The following ITGB4 variants were observed in gnomAD, a reference collection of about 807,000 sequenced individuals.
ITGB4 encodes the protein integrin beta-4.
ITGB4 carries 159 observed loss-of-function variants against 207.6 expected under a neutral mutation model. The ratio of observed to expected loss-of-function variants is 0.77; its 90% confidence interval spans 0.67 to 0.87. ITGB4 has a LOEUF of 0.87. Among genes scored for constraint, ITGB4 ranks in the 40% least tolerant of loss-of-function variants. The pLI is 0.00. For missense variants in ITGB4, 2,278 were observed against 2,546.8 expected, an observed-to-expected ratio of 0.89 and a Z score of 2.27; for synonymous variants, 1,020 against 1,062.7, an observed-to-expected ratio of 0.96 and a Z score of 0.78.
chr17:75,742,306 C>G lies in ITGB4; in HGVS notation c.2634-35C>G, dbSNP rs376305144. 1.9e-6 allele frequency: 3 copies of G among 1,612,854 alleles called. No individual in the cohort carries two copies. The highest frequency in any genetic ancestry group is 2.5e-6 in the Non-Finnish European group (3 of 1,179,880). ...ACAGGGCAGCAGGTGCCAGCCTGAC[C>G]CCTCCGCTGCCTGAACCTTCCACCC... On this transcript the variant is annotated intron_variant, in intron 23 of 39. Transcript: ENST00000200181. This position sits in a 1 kb window ranked among gnomAD's most constrained non-coding sequence, Gnocchi z 5.9.
chr17:75,753,371 G>T (rs2061412202), intron 32 of ITGB4, among the ~76,000 whole-genome samples: 2 of 152,118 alleles, frequency 1.3e-5, no homozygotes. Context: ...CTTGCGGAAC[G>T]GTCCCTGGGA....
Position 75,732,375 on chromosome 17 carries a change from A to T in ITGB4, c.1454+136A>T. On this transcript the variant is annotated intron_variant, in intron 12 of 39. Transcript: ENST00000200181. The surrounding 1 kb of genome is among the most constrained non-coding windows in gnomAD (Gnocchi z 5.3). Reference sequence around the variant, plus strand: ...GGGGCGGCAATCAAAGAAACGGCTAAGGGCGGGGCACACCCAGTTGTTGGT... The same window carrying T: ...GGGGCGGCAATCAAAGAAACGGCTATGGGCGGGGCACACCCAGTTGTTGGT... 1 of 804,338 alleles carries T rather than the reference A, an allele frequency of 1.2e-6. No homozygotes were observed. Among genetic ancestry groups the T allele is most frequent in the Non-Finnish European group, 2.1e-6 (1 of 475,068 alleles). 49.8% of individuals were successfully genotyped at this position (804,338 alleles called of 1,614,324 possible).
At position 75,740,277 on chromosome 17, in the gene ITGB4, T is replaced by C; in HGVS notation, c.2447-81T>C. The C allele has an allele frequency of 7.4e-7, 1 of 1,359,328 alleles. No homozygotes were observed. Among genetic ancestry groups the C allele is most frequent in the Non-Finnish European group, 1.0e-6 (1 of 967,846 alleles). 84.2% of individuals were successfully genotyped at this position (1,359,328 alleles called of 1,614,324 possible). On this transcript the variant is annotated intron_variant, in intron 20 of 39. Transcript: ENST00000200181. This position sits in a 1 kb window ranked among gnomAD's most constrained non-coding sequence, Gnocchi z 5.9. ...AGGCATCCCCTGATCCTAGCATGGT[T>C]GCTGGAGGGATGCTCTGTGGTGCCT... is the stretch of plus-strand genomic sequence containing the variant.
rs139933962 is a variant in ITGB4 at position 75,742,381 on chromosome 17, C to G, written c.2674C>G (p.Arg892Gly). The part of the protein sequence containing the change: ...TIVDTVLMAP[R>G]SAKPALLKLT... ...TGTGGACACAGTGCTGATGGCGCCCCGCTCGGCCAAGCCGGCCCTGCTGAA... is the reference window on the plus strand; with the variant it reads ...TGTGGACACAGTGCTGATGGCGCCCGGCTCGGCCAAGCCGGCCCTGCTGAA... Residue 892 changes from arginine to glycine, a missense_variant, in exon 24 of 40, where the codon CGC (arginine) becomes GGC (glycine). Physicochemically the swap from Arg to Gly is moderately radical, Grantham distance 125. Coordinates refer to ENST00000200181, the MANE Select transcript of ITGB4 (RefSeq NM_000213.5). The surrounding 1 kb of genome is among the most constrained non-coding windows in gnomAD (Gnocchi z 5.9). The G allele has an allele frequency of 6.2e-6, 10 of 1,613,402 alleles. No individual in the cohort carries two copies. In the East Asian group the frequency reaches 1.8e-4, roughly 29 times the overall value.
chr17:75,750,555 C>T lies in ITGB4; in HGVS notation c.3475-125C>T. On this transcript the variant is annotated intron_variant, in intron 28 of 39. Transcript: ENST00000200181. This position sits in a 1 kb window ranked among gnomAD's most constrained non-coding sequence, Gnocchi z 5.5. ...GTCCTGACGTGTGCACATGGCAGATCTCTCAGCCCCTCCCTCGGGCCTCAT... is the reference window on the plus strand; with the variant it reads ...GTCCTGACGTGTGCACATGGCAGATTTCTCAGCCCCTCCCTCGGGCCTCAT... The T allele has an allele frequency of 2.2e-6, 2 of 909,040 alleles. No individual in the cohort carries two copies. Among genetic ancestry groups the T allele is most frequent in the Non-Finnish European group, 3.5e-6 (2 of 574,966 alleles). 56.3% of individuals were successfully genotyped at this position (909,040 alleles called of 1,614,324 possible).
Position 75,730,513 on chromosome 17 carries a change from C to T in ITGB4, c.1002+9C>T. The T allele has an allele frequency of 2.5e-6, 4 of 1,613,466 alleles. No homozygotes were observed. The highest frequency in any genetic ancestry group is 3.4e-6 in the Non-Finnish European group (4 of 1,180,012). On this transcript the variant is annotated intron_variant, in intron 8 of 39. Transcript: ENST00000200181. ...CCTATAGCTACTACGAGGTGCGGGG[C>T]CCAGGTCCCACGGGTGGGAGGTGGT...
intron 18 of ITGB4, among the ~76,000 whole-genome samples, chr17:75,738,922 G>A (rs1201140130): frequency 6.6e-6 from 1 of 152,088 alleles, no homozygotes; most frequent in African/African-American, 2.4e-5. Context: ...GCTACAGTGA[G>A]CTATGATTAT....
In ITGB4 at chr17:75,729,507, C is replaced by G. The variant is rs1005925527; in HGVS notation, c.738+71C>G. ...CTTCTGGGCAAGGGCCTGAGCTGCC[C>G]CCTGGCCTGCTCTGGTGCCAGGCTC... On this transcript the variant is annotated intron_variant, in intron 7 of 39. Coordinates refer to ENST00000200181, the MANE Select transcript of ITGB4 (RefSeq NM_000213.5). This position sits in a 1 kb window ranked among gnomAD's most constrained non-coding sequence, Gnocchi z 4.4. 2.4e-5 allele frequency: 37 copies of G among 1,512,232 alleles called. No homozygotes were observed. In the Admixed American group the frequency reaches 2.6e-4, roughly 11 times the overall value. 93.7% of individuals were successfully genotyped at this position (1,512,232 alleles called of 1,614,324 possible).
chr17:75,729,296 C>A lies in ITGB4; in HGVS notation c.598C>A (p.Pro200Thr). Residue 200 changes from proline to threonine, a missense_variant, in exon 7 of 40, where the codon CCC becomes ACC. Coordinates refer to ENST00000200181, the MANE Select transcript of ITGB4 (RefSeq NM_000213.5). The surrounding 1 kb of genome is among the most constrained non-coding windows in gnomAD (Gnocchi z 4.4). ...GGAGCCCTGGCCCAACAGTGACCCC[C>A]CCTTCTCCTTCAAGAACGTCATCAG... ...LKEPWPNSDPPFSFKNVISLT... is the reference protein window; with the variant it reads ...LKEPWPNSDPTFSFKNVISLT... 1.2e-6 allele frequency: 2 copies of A among 1,614,204 alleles called. No homozygotes were observed. The highest frequency in any genetic ancestry group is 1.7e-6 in the Non-Finnish European group (2 of 1,180,032).
chr17:75,749,288 G>A (rs1041718965), intron 27 of ITGB4, among the ~76,000 whole-genome samples: 1 of 152,172 alleles, frequency 6.6e-6, no homozygotes, highest in African/African-American at 2.4e-5. Flanking sequence ...AGCATTTTGG[G>A]AGGCCAAGGT....
chr17:75,730,287 C>T lies in ITGB4; in HGVS notation c.785C>T (p.Ser262Phe). Residue 262 changes from serine to phenylalanine, a missense_variant, in exon 8 of 40, where the codon TCC (serine) becomes TTC (phenylalanine). Coordinates refer to ENST00000200181, the MANE Select transcript of ITGB4 (RefSeq NM_000213.5). ...RPDSTHLLVF[S>F]TESAFHYEAD... is the part of the protein sequence containing the mutation. ...GACAGCACCCACCTGCTGGTCTTCTCCACCGAGTCAGCCTTCCACTATGAG... is the reference window on the plus strand; with the variant it reads ...GACAGCACCCACCTGCTGGTCTTCTTCACCGAGTCAGCCTTCCACTATGAG... 1 of 1,613,434 alleles carries T rather than the reference C, an allele frequency of 6.2e-7. No homozygotes were observed. The highest frequency in any genetic ancestry group is 8.5e-7 in the Non-Finnish European group (1 of 1,180,012).
chr17:75,742,613 C>G lies in ITGB4; in HGVS notation c.2814C>G (p.Gly938=), dbSNP rs748480506. The G allele has an allele frequency of 6.2e-7, 1 of 1,613,878 alleles. No homozygotes were observed. Among genetic ancestry groups the G allele is most frequent in the Non-Finnish European group, 8.5e-7 (1 of 1,180,020 alleles). The change falls in exon 25 of 40, where the codon GGC becomes GGG. Residue 938 remains glycine (G), a synonymous_variant. Transcript: ENST00000200181. This position sits in a 1 kb window ranked among gnomAD's most constrained non-coding sequence, Gnocchi z 5.9. ...GGGGCATGGTGGAGTTCCAGGAGGG[C>G]GTGGAGCTGGTGGACGTACGGGTGC... The part of the protein sequence containing the change: ...DARGMVEFQE[G]VELVDVRVPL...
rs550728659 is a variant in ITGB4, at chr17:75,737,545, T to C, written c.2121T>C (p.Pro707=). Residue 707 remains proline (P), a synonymous_variant, in exon 18 of 40, where the codon CCT becomes CCC. Coordinates refer to ENST00000200181, the MANE Select transcript of ITGB4 (RefSeq NM_000213.5). ...CTGCCTCCTCCTCTCCAGACTGCCCTCCGGGCTCCTTCTGGTGGCTCATCC... is the reference window on the plus strand; with the variant it reads ...CTGCCTCCTCCTCTCCAGACTGCCCCCCGGGCTCCTTCTGGTGGCTCATCC... ...TVLVHKKKDC[P]PGSFWWLIPL... 6.3e-7 allele frequency: 1 copy of C among 1,577,580 alleles called. No individual in the cohort carries two copies. Among genetic ancestry groups the C allele is most frequent in the Non-Finnish European group, 8.6e-7 (1 of 1,162,222 alleles).
rs374572978 is a variant in ITGB4 at position 75,732,981 on chromosome 17, G to T, written c.1455-509G>T. Among the ~76,000 whole-genome samples, 3 of 152,026 alleles carry T rather than the reference G, an allele frequency of 2.0e-5. No individual in the cohort carries two copies. The highest frequency in any genetic ancestry group is 4.8e-5 in the African/African-American group (2 of 41,346). On this transcript the variant is annotated intron_variant, in intron 12 of 39. Transcript: ENST00000200181. This position sits in a 1 kb window ranked among gnomAD's most constrained non-coding sequence, Gnocchi z 5.3. ...TGCATGCCTGTAATCCCAGCTACTC[G>T]GGAGGCTGAGGCAGAATTGCTTGCA...
At position 75,757,068 on chromosome 17, in the gene ITGB4, G is replaced by C. The variant is rs774308604; in HGVS notation, c.5179G>C (p.Glu1727Gln). 1.3e-5 allele frequency: 21 copies of C among 1,612,936 alleles called. No homozygotes were observed. Among genetic ancestry groups the C allele is most frequent in the East Asian group, 4.5e-5 (2 of 44,866 alleles). Residue 1727 changes from glutamate (E) to glutamine (Q), a missense_variant, in exon 38 of 40, where the codon GAG becomes CAG. Glu to Gln is a conservative substitution (Grantham distance 29). Transcript: ENST00000200181. ...CAGGACCACTGAGGGCTTCGGGCCAGAGCGCGAGGGCATCATCACCATAGA... is the reference window on the plus strand; with the variant it reads ...CAGGACCACTGAGGGCTTCGGGCCACAGCGCGAGGGCATCATCACCATAGA... ...QARTTEGFGP[E>Q]REGIITIESQ...
chr17:75,741,425 C>A (rs1215861019), intron 23 of ITGB4, among the ~76,000 whole-genome samples: 1 of 152,058 alleles, frequency 6.6e-6, no homozygotes, highest in African/African-American at 2.4e-5. Context: ...TACATCGAGT[C>A]CTGGCCCTTC....
Position 75,748,947 on chromosome 17 carries a change from G to A in ITGB4, c.3218G>A (p.Gly1073Asp), listed in dbSNP as rs758189075. The part of the protein sequence containing the change: ...ELQEVDSLLR[G>D]RQVRRFHVQL... ...CAAGAAGTTGACTCCCTCCTGCGGG[G>A]CCGCCAGGTCCGCCGTTTCCACGTC... is the stretch of plus-strand genomic sequence containing the variant. The change falls in exon 27 of 40, where the codon GGC becomes GAC. Residue 1073 changes from glycine to aspartate, a missense_variant. Coordinates refer to ENST00000200181, the MANE Select transcript of ITGB4 (RefSeq NM_000213.5). 10 of 1,613,190 alleles carry A rather than the reference G, an allele frequency of 6.2e-6. No individual in the cohort carries two copies. The Admixed American group carries it at 1.0e-4, about 16-fold the overall frequency.
chr17:75,744,382 AGTG>A, intron 26 of ITGB4, among the ~76,000 whole-genome samples: 1 of 152,008 alleles, frequency 6.6e-6, no homozygotes, highest in Admixed American at 6.5e-5. Flanking sequence ...GGCCTCCCAA[AGTG>A]CTGGGATTAC....
intron 34 of ITGB4, among the ~76,000 whole-genome samples, chr17:75,755,407 C>T (rs1246491236): frequency 3.3e-5 from 5 of 152,204 alleles, no homozygotes; most frequent in South Asian, 2.1e-4. Flanking sequence ...TCCCAGGGGG[C>T]GGGGCTGGGG....
Sources: allele counts gnomAD v4.1 joint callset (sites outside exome capture counted in the v4.1 genomes callset), GRCh38; gene constraint gnomAD v4.1.1; non-coding constraint Gnocchi (gnomAD v3.1); transcripts MANE v1.5; gene names NCBI Gene and HGNC (gene_info 2026-07-23, HGNC 2026-07-21).